SLC20A2: variants seen among roughly 807,000 people sequenced by gnomAD.
The protein encoded by SLC20A2 is solute carrier family 20 member 2, also known as sodium-dependent phosphate transporter 2.
In SLC20A2, 30 loss-of-function variants were observed where a neutral mutation model predicts 61.0. The observed-to-expected ratio is 0.49, with a 90% CI of 0.37 to 0.67. SLC20A2 has a LOEUF of 0.67. Ranked by LOEUF, SLC20A2 falls within the 30% of genes least tolerant of loss-of-function variation. The probability of loss-of-function intolerance (pLI) is 0.00; values close to 1 mark genes in which losing one functional copy is unlikely to be tolerated. For missense variants in SLC20A2, 626 were observed against 866.4 expected (o/e 0.72, Z 3.48); for synonymous variants, 351 against 353.3 (o/e 0.99, Z 0.07).
intron 10 of SLC20A2, among the ~76,000 whole-genome samples, chr8:42,428,557 C>A (rs941699740): frequency 6.6e-6 from 1 of 152,232 alleles, no homozygotes; most frequent in Non-Finnish European, 1.5e-5. Flanking sequence ...CAGGTCTGAA[C>A]GAGAGATAGT....
At chr8:42,525,744 G>C (rs1338588920) in intron 1 of SLC20A2, among the ~76,000 whole-genome samples, 1 of 152,112 alleles carries the variant, frequency 6.6e-6, no homozygotes, top group Non-Finnish European at 1.5e-5. Flanking sequence ...TTAAATTATA[G>C]TAGAGTACAT....
At chr8:42,459,125 A>C (rs529245859) in intron 5 of SLC20A2, among the ~76,000 whole-genome samples, 2 of 149,614 alleles carry the variant, frequency 1.3e-5, no homozygotes, top group African/African-American at 2.5e-5. Flanking sequence ...AATCCCAGCT[A>C]CTAAGGAGGC....
chr8:42,459,256 A>T (rs1326589187), intron 5 of SLC20A2, among the ~76,000 whole-genome samples: 3 of 151,556 alleles, frequency 2.0e-5, no homozygotes, highest in African/African-American at 7.2e-5. Flanking sequence ...AAAAAAAAAA[A>T]AAACATAAAA....
chr8:42,443,337 C>T (rs191671552), intron 6 of SLC20A2, among the ~76,000 whole-genome samples: 17 of 128,380 alleles, frequency 1.3e-4, no homozygotes, highest in Admixed American at 1.3e-3. Context: ...TTTTTTGAGA[C>T]GGAGTCTCGC....
chr8:42,447,800 G>T (rs1805344830), intron 5 of SLC20A2, among the ~76,000 whole-genome samples: 1 of 152,224 alleles, frequency 6.6e-6, no homozygotes, highest in Non-Finnish European at 1.5e-5. Context: ...GAATCACCTA[G>T]CACAGTGATA....
At chr8:42,514,062 G>A (rs1036591317) in intron 1 of SLC20A2, among the ~76,000 whole-genome samples, 1 of 152,066 alleles carries the variant, frequency 6.6e-6, no homozygotes, top group Non-Finnish European at 1.5e-5. Context: ...CTAAGGAGTG[G>A]GTCCACTATC....
chr8:42,489,474 C>G (rs1282038254), intron 1 of SLC20A2, among the ~76,000 whole-genome samples: 1 of 113,800 alleles, frequency 8.8e-6, no homozygotes, highest in Admixed American at 1.4e-4. Flanking sequence ...GAGCTAGTTT[C>G]TTTACATGTC....
intron 1 of SLC20A2, among the ~76,000 whole-genome samples, chr8:42,499,523 A>C (rs1467002672): frequency 6.6e-6 from 1 of 152,246 alleles, no homozygotes; most frequent in Non-Finnish European, 1.5e-5. Context: ...AAAAACCTAC[A>C]GAAACGTCTG....
At chr8:42,538,950 G>T (rs771550993) in intron 1 of SLC20A2, among the ~76,000 whole-genome samples, 1 of 152,172 alleles carries the variant, frequency 6.6e-6, no homozygotes, top group Non-Finnish European at 1.5e-5. Flanking sequence ...GGGAGGCTGA[G>T]GAGGGCAGAT....
chr8:42,466,462 T>C (rs6999392), intron 2 of SLC20A2, among the ~76,000 whole-genome samples: 1 of 152,032 alleles, frequency 6.6e-6, no homozygotes, highest in Non-Finnish European at 1.5e-5. Flanking sequence ...GGGTGCTGTG[T>C]ATGAACTTGT....
chr8:42,506,934 G>A (rs911928293), intron 1 of SLC20A2, among the ~76,000 whole-genome samples: 4 of 152,274 alleles, frequency 2.6e-5, no homozygotes, highest in Admixed American at 2.0e-4. Context: ...TTGCAACTTC[G>A]AAATGCCCGC....
intron 7 of SLC20A2, among the ~76,000 whole-genome samples, chr8:42,439,156 G>T (rs1427631276): frequency 6.6e-6 from 1 of 152,198 alleles, no homozygotes; most frequent in Non-Finnish European, 1.5e-5. Flanking sequence ...GGGGCATGGA[G>T]ATCTGCATAT....
intron 1 of SLC20A2, among the ~76,000 whole-genome samples, chr8:42,494,376 G>C (rs1267744224): frequency 6.6e-6 from 1 of 152,070 alleles, no homozygotes; most frequent in Non-Finnish European, 1.5e-5. Flanking sequence ...ACTTTTTAAA[G>C]AGAAAGTTTT....
At chr8:42,471,307 C>T (rs1807620637) in intron 2 of SLC20A2, 1 of 443,628 alleles carries the variant, frequency 2.3e-6, no homozygotes, top group Non-Finnish European at 4.5e-6. Context: ...ACCCACGGGG[C>T]CGAGATCTGT....
At chr8:42,514,054 A>C (rs1811180388) in intron 1 of SLC20A2, among the ~76,000 whole-genome samples, 1 of 152,214 alleles carries the variant, frequency 6.6e-6, no homozygotes, top group African/African-American at 2.4e-5. Context: ...GCACCATGCT[A>C]AGGAGTGGGT....
chr8:42,487,095 C>G (rs1809074899), intron 1 of SLC20A2, among the ~76,000 whole-genome samples: 1 of 151,456 alleles, frequency 6.6e-6, no homozygotes, highest in South Asian at 2.1e-4. Context: ...GAACTCCTGA[C>G]CTCAAGTGAT....
intron 1 of SLC20A2, among the ~76,000 whole-genome samples, chr8:42,475,160 C>T (rs1168721732): frequency 6.6e-6 from 1 of 152,078 alleles, no homozygotes; most frequent in African/African-American, 2.4e-5. Flanking sequence ...AATGCAGTGG[C>T]ACAAGCATGG....
intron 9 of SLC20A2, among the ~76,000 whole-genome samples, chr8:42,429,843 A>C (rs1803710126): frequency 6.6e-6 from 1 of 150,922 alleles, no homozygotes; most frequent in Non-Finnish European, 1.5e-5. Flanking sequence ...TGCCCTTCCC[A>C]CTCCTCATCT....
intron 1 of SLC20A2, among the ~76,000 whole-genome samples, chr8:42,494,523 C>T (rs1809769610): frequency 6.6e-6 from 1 of 152,158 alleles, no homozygotes; most frequent in Admixed American, 6.5e-5. Flanking sequence ...GCATTCTTTT[C>T]TCAGGTACAT....
Sources: allele counts gnomAD v4.1 joint callset (sites outside exome capture counted in the v4.1 genomes callset), GRCh38; gene constraint gnomAD v4.1.1; transcripts MANE v1.5; gene names NCBI Gene and HGNC (gene_info 2026-07-23, HGNC 2026-07-21).